GRIA1: variants seen among roughly 807,000 people sequenced by gnomAD.
The protein encoded by GRIA1 is glutamate ionotropic receptor AMPA type subunit 1.
Under a neutral mutation model 99.2 loss-of-function variants are expected in GRIA1, and 31 were observed. The ratio of observed to expected loss-of-function variants is 0.31; its 90% CI spans 0.23 to 0.42. The LOEUF (loss-of-function observed/expected upper bound fraction) is 0.42, where lower values mean the gene tolerates loss of function less well. Ranked by LOEUF, GRIA1 falls within the 10% of genes least tolerant of loss-of-function variation. The pLI is 1.00. For missense variants in GRIA1, 782 were observed against 1,157.5 expected (o/e 0.68, Z 4.71); for synonymous variants, 438 against 432.4 (o/e 1.01, Z -0.16).
intron 2 of GRIA1, among the ~76,000 whole-genome samples, chr5:153,603,532 A>T (rs549258607): frequency 3.6e-4 from 33 of 90,946 alleles, no homozygotes; most frequent in Non-Finnish European, 6.7e-4. Context: ...AATAATAATT[A>T]AAAAAAAACA....
chr5:153,510,359 C>T (rs1174219262), intron 2 of GRIA1, among the ~76,000 whole-genome samples: 2 of 152,100 alleles, frequency 1.3e-5, no homozygotes, highest in Non-Finnish European at 2.9e-5. Flanking sequence ...CAGTTTCCGA[C>T]ATGTACTTTT....
In GRIA1 at chr5:153,490,943, G is replaced by A; in HGVS notation, c.55G>A (p.Ala19Thr). Reference protein sequence around the residue: ...CTGFLGAVVGANFPNNIQIGG... With the variant: ...CTGFLGAVVGTNFPNNIQIGG... ...CGGTTTCCTAGGCGCGGTAGTAGGT[G>A]CCAATTTCCCCAACAATATCCAGAT... is the stretch of plus-strand genomic sequence containing the variant. Residue 19 changes from alanine (A) to threonine (T), a missense_variant, in exon 1 of 16, where the codon GCC (alanine) becomes ACC (threonine). By Grantham distance (58) the Ala-to-Thr change is moderately conservative. Transcript: ENST00000285900. 1.9e-6 allele frequency: 3 copies of A among 1,614,124 alleles called. No homozygotes were observed. Among genetic ancestry groups the A allele is most frequent in the Non-Finnish European group, 2.5e-6 (3 of 1,179,990 alleles).
intron 2 of GRIA1, among the ~76,000 whole-genome samples, chr5:153,579,017 G>A (rs1393543615): frequency 6.6e-6 from 1 of 151,928 alleles, no homozygotes; most frequent in Non-Finnish European, 1.5e-5. Context: ...GTCCTTCCAA[G>A]AGGTTGTCTG....
At chr5:153,666,659 T>G (rs1012974544) in intron 5 of GRIA1, among the ~76,000 whole-genome samples, 4 of 152,212 alleles carry the variant, frequency 2.6e-5, no homozygotes, top group Non-Finnish European at 4.4e-5. Flanking sequence ...AACTTAAGCC[T>G]CAATTTTTTA....
At chr5:153,561,650 A>G (rs1348662536) in intron 2 of GRIA1, among the ~76,000 whole-genome samples, 1 of 152,234 alleles carries the variant, frequency 6.6e-6, no homozygotes, top group African/African-American at 2.4e-5. Context: ...AAGCAGTTGC[A>G]AGAATTAAAA....
chr5:153,524,334 A>C (rs1376822794), intron 2 of GRIA1, among the ~76,000 whole-genome samples: 1 of 152,178 alleles, frequency 6.6e-6, no homozygotes, highest in Non-Finnish European at 1.5e-5. Flanking sequence ...TAAAAAAACA[A>C]AAAGAATTCT....
chr5:153,601,179 A>G (rs940305698), intron 2 of GRIA1, among the ~76,000 whole-genome samples: 3 of 152,202 alleles, frequency 2.0e-5, no homozygotes, highest in African/African-American at 4.8e-5. Flanking sequence ...TTTGCTTCCT[A>G]TGTCTCCATG....
At chr5:153,809,783 A>G (rs1487691116) in intron 15 of GRIA1, among the ~76,000 whole-genome samples, 2 of 152,252 alleles carry the variant, frequency 1.3e-5, no homozygotes, top group Non-Finnish European at 2.9e-5. Context: ...AGGCAGAACC[A>G]TTACAAGAGA....
intron 12 of GRIA1, among the ~76,000 whole-genome samples, chr5:153,765,892 A>C (rs935126813): frequency 1.3e-5 from 2 of 152,240 alleles, no homozygotes; most frequent in African/African-American, 4.8e-5. Context: ...GAAAATTAAA[A>C]GAATCACCTA....
intron 2 of GRIA1, among the ~76,000 whole-genome samples, chr5:153,501,914 C>G (rs1361269254): frequency 6.6e-6 from 1 of 152,220 alleles, no homozygotes; most frequent in Non-Finnish European, 1.5e-5. Flanking sequence ...TTTATTTTAA[C>G]AAGGAAGACA....
intron 11 of GRIA1, among the ~76,000 whole-genome samples, chr5:153,722,469 G>A (rs573869633): frequency 6.6e-6 from 1 of 152,186 alleles, no homozygotes; most frequent in Admixed American, 6.5e-5. Context: ...TTAGATCTAG[G>A]TGTTCTATAG....
intron 2 of GRIA1, among the ~76,000 whole-genome samples, chr5:153,596,127 T>G (rs1163536725): frequency 6.6e-6 from 1 of 152,152 alleles, no homozygotes; most frequent in Non-Finnish European, 1.5e-5. Flanking sequence ...TCAATTTGGA[T>G]GCATCCATCA....
At chr5:153,750,822 G>A (rs191798538) in intron 11 of GRIA1, among the ~76,000 whole-genome samples, 32 of 152,302 alleles carry the variant, frequency 2.1e-4, no homozygotes, top group Non-Finnish European at 4.3e-4. Flanking sequence ...CACAGGCCGG[G>A]CATGGTGGCT....
rs563483655 is a variant in GRIA1, at chr5:153,716,796, C to G, written c.1823+10729C>G. Among the ~76,000 whole-genome samples the G allele has an allele frequency of 2.0e-5, 3 of 152,252 alleles. No homozygotes were observed. The East Asian group carries it at 5.8e-4, about 29-fold the overall frequency. On this transcript the variant is annotated intron_variant, in intron 11 of 15. Coordinates refer to ENST00000285900, the MANE Select transcript of GRIA1 (RefSeq NM_000827.4). ...TGGGGAGAAAATGAGGAAATAGAGT[C>G]AGAAGTGACCTTAAAATTGTGACTG...
At chr5:153,634,810 A>G (rs1268926299) in intron 2 of GRIA1, among the ~76,000 whole-genome samples, 1 of 152,168 alleles carries the variant, frequency 6.6e-6, no homozygotes, top group East Asian at 1.9e-4. Context: ...CCCTCAACTT[A>G]ATTAGTGCTC....
chr5:153,762,659 C>G (rs1047208425), intron 11 of GRIA1, among the ~76,000 whole-genome samples: 9 of 152,092 alleles, frequency 5.9e-5, no homozygotes, highest in African/African-American at 2.2e-4. Context: ...CCATGTGAAC[C>G]TTGACCCCTT....
At chr5:153,749,138 G>A (rs960884667) in intron 11 of GRIA1, among the ~76,000 whole-genome samples, 1 of 152,166 alleles carries the variant, frequency 6.6e-6, no homozygotes, top group Non-Finnish European at 1.5e-5. Context: ...ACCCAGGAGA[G>A]AGTGGGGCCT....
intron 7 of GRIA1, among the ~76,000 whole-genome samples, chr5:153,682,116 C>T (rs559171902): frequency 6.6e-6 from 1 of 151,728 alleles, no homozygotes; most frequent in African/African-American, 2.4e-5. Context: ...CAAGATTATT[C>T]TTCCCATGAC....
In GRIA1 at chr5:153,559,366, A is replaced by G. The variant is rs78629504; in HGVS notation, c.220+65301A>G. Among the ~76,000 whole-genome samples, 897 of 152,262 alleles carry G rather than the reference A, an allele frequency of 5.9e-3. 9 individuals are homozygous for G. Among genetic ancestry groups the G allele is most frequent in the African/African-American group, 0.02 (836 of 41,558 alleles). On this transcript the variant is annotated intron_variant, in intron 2 of 15. Transcript: ENST00000285900. ...GTTTATCAAGATGAGGCACATGACA[A>G]TAGGAGCACCAGATTTCCAGTCCCT...
Sources: gnomAD v4.1 joint callset for allele counts (sites outside exome capture counted in the v4.1 genomes callset) on GRCh38, gnomAD v4.1.1 for gene constraint, MANE v1.5 for transcripts, NCBI Gene and HGNC (gene_info 2026-07-23, HGNC 2026-07-21) for gene names.